ENTREP2: variants seen among roughly 807,000 people sequenced by gnomAD.
ENTREP2 encodes the protein protein ENTREP2.
At chr15:29,147,845 A>T in the ENTREP2 span, among the ~76,000 whole-genome samples, 1 of 152,266 alleles carries the variant, frequency 6.6e-6, no homozygotes, top group Non-Finnish European at 1.5e-5. Flanking sequence ...TTGTACAAGG[A>T]TGTTCATAAC....
the ENTREP2 span, among the ~76,000 whole-genome samples, chr15:29,362,367 C>CTTTTTTTTTT: frequency 6.6e-5 from 6 of 91,496 alleles, no homozygotes; most frequent in Non-Finnish European, 9.9e-5. Context: ...TGTTTTTAAT[C>CTTTTTTTTTT]TTTTTTTTTT....
At chr15:29,312,621 A>T in the ENTREP2 span, among the ~76,000 whole-genome samples, 1 of 152,140 alleles carries the variant, frequency 6.6e-6, no homozygotes, top group Non-Finnish European at 1.5e-5. Flanking sequence ...ACCCTTGAAG[A>T]TACTATTATA....
chr15:29,421,252 C>T, the ENTREP2 span, among the ~76,000 whole-genome samples: 1 of 152,202 alleles, frequency 6.6e-6, no homozygotes, highest in Non-Finnish European at 1.5e-5. Context: ...ACATACCACT[C>T]TACACAGCTC....
the ENTREP2 span, among the ~76,000 whole-genome samples, chr15:29,592,242 C>T: frequency 6.6e-6 from 1 of 152,208 alleles, no homozygotes; most frequent in Non-Finnish European, 1.5e-5. Flanking sequence ...CATCTCTCAT[C>T]TGTGCCAAAA....
At chr15:29,539,510 C>T in the ENTREP2 span, among the ~76,000 whole-genome samples, 7 of 152,196 alleles carry the variant, frequency 4.6e-5, no homozygotes, top group East Asian at 7.8e-4. Context: ...CTGCCATGGA[C>T]GGTGAGGAGT....
the ENTREP2 span, among the ~76,000 whole-genome samples, chr15:29,209,949 G>A: frequency 6.6e-6 from 1 of 152,144 alleles, no homozygotes; most frequent in Non-Finnish European, 1.5e-5. Flanking sequence ...GTGTCACCTG[G>A]GTTAATTCAA....
At chr15:29,625,095 T>C in the ENTREP2 span, among the ~76,000 whole-genome samples, 2 of 152,146 alleles carry the variant, frequency 1.3e-5, no homozygotes, top group Non-Finnish European at 2.9e-5. Flanking sequence ...ATTTTGAGGA[T>C]GTTTTGAAAT....
the ENTREP2 span, among the ~76,000 whole-genome samples, chr15:29,443,429 T>C: frequency 2.0e-5 from 3 of 151,826 alleles, no homozygotes; most frequent in Non-Finnish European, 4.4e-5. Context: ...TGGGGATGAG[T>C]ACATTAGGAA....
the ENTREP2 span, among the ~76,000 whole-genome samples, chr15:29,514,059 G>C: frequency 1.3e-5 from 2 of 152,248 alleles, no homozygotes; most frequent in Admixed American, 6.5e-5. Context: ...CAAGTGTTTT[G>C]CTTCTGTTTC....
chr15:29,133,468 G>A, the ENTREP2 span, among the ~76,000 whole-genome samples: 5 of 152,108 alleles, frequency 3.3e-5, no homozygotes, highest in African/African-American at 9.7e-5. Context: ...GCTCCCCTGC[G>A]CACGTGCCGT....
the ENTREP2 span, among the ~76,000 whole-genome samples, chr15:29,315,922 AT>A: frequency 1.8e-4 from 26 of 140,776 alleles, no homozygotes; most frequent in African/African-American, 5.6e-4. Flanking sequence ...TACATGCAGT[AT>A]GTGTACAGCA....
At chr15:29,134,288 A>G in the ENTREP2 span, among the ~76,000 whole-genome samples, 1 of 152,224 alleles carries the variant, frequency 6.6e-6, no homozygotes, top group Non-Finnish European at 1.5e-5. Flanking sequence ...TTTCAGGGCC[A>G]TGCCCACCTC....
chr15:29,342,759 T>C, the ENTREP2 span, among the ~76,000 whole-genome samples: 2 of 152,168 alleles, frequency 1.3e-5, no homozygotes, highest in African/African-American at 2.4e-5. Context: ...TTCATGTGAT[T>C]AGGCCATTTC....
At chr15:29,603,779 T>C in the ENTREP2 span, among the ~76,000 whole-genome samples, 1,647 of 152,170 alleles carry the variant, frequency 0.011, 23 homozygotes, top group African/African-American at 0.037. Flanking sequence ...GCTGGGATTA[T>C]AGGCAAGCAC....
chr15:29,562,090 G>A, the ENTREP2 span, among the ~76,000 whole-genome samples: 1 of 152,238 alleles, frequency 6.6e-6, no homozygotes, highest in Non-Finnish European at 1.5e-5. Context: ...TAATCAGATG[G>A]ATCCAGGTTC....
chr15:29,353,472 T>C, the ENTREP2 span, among the ~76,000 whole-genome samples: 1 of 152,344 alleles, frequency 6.6e-6, no homozygotes, highest in South Asian at 2.1e-4. Flanking sequence ...TCTATGCATG[T>C]ATACACATAA....
the ENTREP2 span, chr15:29,614,327 G>C: frequency 2.0e-5 from 3 of 152,532 alleles, no homozygotes; most frequent in Non-Finnish European, 4.4e-5. Flanking sequence ...AGCCCAGTGG[G>C]AGGCCTAAGG....
At chr15:29,195,896 C>T in the ENTREP2 span, among the ~76,000 whole-genome samples, 1 of 152,158 alleles carries the variant, frequency 6.6e-6, no homozygotes, top group African/African-American at 2.4e-5. Flanking sequence ...GTTCACTCTT[C>T]TTATGTATTT....
the ENTREP2 span, among the ~76,000 whole-genome samples, chr15:29,441,083 C>T: frequency 5.9e-5 from 9 of 152,292 alleles, no homozygotes; most frequent in African/African-American, 1.4e-4. Flanking sequence ...TCCACAAATG[C>T]GTGCATTGAT....
Sources: gnomAD v4.1 joint callset for allele counts (sites outside exome capture counted in the v4.1 genomes callset) on GRCh38, gnomAD v4.1.1 for gene constraint, MANE v1.5 for transcripts, NCBI Gene and HGNC (gene_info 2026-07-23, HGNC 2026-07-21) for gene names.